Variants in PTPRQ observed in about 807,000 individuals in gnomAD.
PTPRQ encodes protein tyrosine phosphatase receptor type Q.
A neutral mutation model predicts 246.0 loss-of-function variants in PTPRQ; 199 were observed. That is an observed-to-expected ratio of 0.81 (90% CI 0.72 to 0.91). PTPRQ has a LOEUF of 0.91. PTPRQ is among the 40% of genes least tolerant of loss of function. The pLI, the probability that PTPRQ is intolerant of heterozygous loss-of-function variation, is 0.00. For missense variants in PTPRQ, 2,624 were observed against 2,528.4 expected, an observed-to-expected ratio of 1.04 and a Z score of -0.81; for synonymous variants, 869 against 853.2, an observed-to-expected ratio of 1.02 and a Z score of -0.32.
At position 80,457,659 on chromosome 12, in the gene PTPRQ, A is replaced by G. The variant is rs1244102076; in HGVS notation, c.460+15A>G. ...TGCAGAAAGTGGTAATTTTCCTGTC[A>G]TTTATTTTAAATTGACTTAGTCATG... On this transcript the variant is annotated intron_variant, in intron 4 of 44. Transcript: ENST00000644991. The G allele has an allele frequency of 2.5e-6, 1 of 400,042 alleles. No individual in the cohort carries two copies. The highest frequency in any genetic ancestry group is 4.4e-6 in the Non-Finnish European group (1 of 225,840). The allele number at this position is 400,042 out of a possible 1,614,324, so 24.8% of individuals were successfully genotyped here.
At chr12:80,581,463 C>G (rs1353931672) in intron 25 of PTPRQ, among the ~76,000 whole-genome samples, 1 of 152,038 alleles carries the variant, frequency 6.6e-6, no homozygotes, top group Admixed American at 6.6e-5. Context: ...TGGCGCAACT[C>G]CATCTCTACA....
intron 25 of PTPRQ, among the ~76,000 whole-genome samples, chr12:80,559,821 T>A (rs1243331323): frequency 6.6e-6 from 1 of 152,148 alleles, no homozygotes; most frequent in Non-Finnish European, 1.5e-5. Flanking sequence ...TTTATTTTCT[T>A]CCCTCCCCTC....
intron 27 of PTPRQ, 42 bp downstream of exon 27, chr12:80,605,222 G>A (rs1898273298): frequency 6.6e-7 from 1 of 1,523,984 alleles, no homozygotes; most frequent in Non-Finnish European, 8.8e-7. Context: ...GTATAAAATG[G>A]TTAATAATAC....
intron 25 of PTPRQ, among the ~76,000 whole-genome samples, chr12:80,558,163 C>CTTTTCTTTTCTTTTCTTTTCTTTTCTTTT (rs1308214878): frequency 2.1e-5 from 2 of 94,202 alleles, no homozygotes; most frequent in Non-Finnish European, 4.1e-5. Context: ...CTTTTCTTTT[C>CTTTTCTTTTCTTTTCTTTTCTTTTCTTTT]TTTTCTTTCT....
intron 17 of PTPRQ, among the ~76,000 whole-genome samples, chr12:80,516,047 A>G (rs763915310): frequency 6.6e-6 from 1 of 152,200 alleles, no homozygotes; most frequent in Non-Finnish European, 1.5e-5. Flanking sequence ...ATTGATAAAT[A>G]ACACGTATTT....
chr12:80,450,027 T>G (rs890015644), intron 3 of PTPRQ, among the ~76,000 whole-genome samples: 3 of 152,242 alleles, frequency 2.0e-5, no homozygotes, highest in Admixed American at 2.0e-4. Context: ...GTTCTTCTTT[T>G]GTTTGTATCC....
At chr12:80,542,611 T>C in intron 22 of PTPRQ, 119 bp from the exon 23 acceptor site, 5 of 1,256,876 alleles carry the variant, frequency 4.0e-6, no homozygotes, top group Non-Finnish European at 5.4e-6. Context: ...GTTTCTGAAA[T>C]TTAAATATGA....
At chr12:80,548,447 A>T (rs1896373852) in intron 24 of PTPRQ, among the ~76,000 whole-genome samples, 3 of 152,112 alleles carry the variant, frequency 2.0e-5, no homozygotes, top group South Asian at 4.1e-4. Flanking sequence ...TCTTTAAAAA[A>T]TTTTTTAATG....
intron 3 of PTPRQ, chr12:80,454,590 T>A: frequency 1.4e-6 from 1 of 702,044 alleles, no homozygotes; most frequent in Non-Finnish European, 2.6e-6. Flanking sequence ...TTTAGGATTA[T>A]GTTGGCTGTG....
At chr12:80,450,706 C>A (rs1423247811) in intron 3 of PTPRQ, among the ~76,000 whole-genome samples, 1 of 152,174 alleles carries the variant, frequency 6.6e-6, no homozygotes, top group Non-Finnish European at 1.5e-5. Flanking sequence ...ATTGAACCAG[C>A]CTTGCATCCC....
At chr12:80,610,393 G>A in intron 27 of PTPRQ, 46 bp from the exon 28 acceptor site, 2 of 1,422,272 alleles carry the variant, frequency 1.4e-6, no homozygotes, top group Non-Finnish European at 1.8e-6. Flanking sequence ...TGGTGACTCA[G>A]ATTTCAAGTG....
At position 80,516,582 on chromosome 12, in the gene PTPRQ, A is replaced by T. The variant is rs139643956; in HGVS notation, c.2678+6139A>T. Among the ~76,000 whole-genome samples the T allele has an allele frequency of 2.2e-3, 333 of 152,346 alleles. 1 individual carries two copies. The highest frequency in any genetic ancestry group is 0.02 in the Middle Eastern group (6 of 294). On this transcript the variant is annotated intron_variant, in intron 17 of 44. Coordinates refer to ENST00000644991, the MANE Select transcript of PTPRQ (RefSeq NM_001145026.2). ...TAGGAAGTCAAAATAATTCTAATGC[A>T]GCTCTTTATTAAATATCACTGGTCA...
chr12:80,487,457 T>C (rs994386841), intron 9 of PTPRQ, among the ~76,000 whole-genome samples: 1 of 152,120 alleles, frequency 6.6e-6, no homozygotes, highest in Non-Finnish European at 1.5e-5. Context: ...TTCTAATCCC[T>C]CTGACTGGAC....
intron 8 of PTPRQ, among the ~76,000 whole-genome samples, chr12:80,483,379 G>T (rs1405204627): frequency 8.6e-6 from 1 of 116,514 alleles, no homozygotes. Flanking sequence ...CCTGTTGTGG[G>T]GTGGGGGGAG....
At chr12:80,658,905 A>T (rs1428496438) in intron 39 of PTPRQ, among the ~76,000 whole-genome samples, 2 of 151,908 alleles carry the variant, frequency 1.3e-5, no homozygotes. Context: ...GGCTCTTGTT[A>T]TATGACGTTC....
intron 17 of PTPRQ, among the ~76,000 whole-genome samples, chr12:80,515,636 G>T (rs1213829604): frequency 1.3e-5 from 2 of 151,490 alleles, no homozygotes; most frequent in African/African-American, 4.9e-5. Flanking sequence ...GTTTTGCCAT[G>T]TTGGCCAGGC....
intron 25 of PTPRQ, among the ~76,000 whole-genome samples, chr12:80,559,881 A>G (rs1046434339): frequency 2.6e-5 from 4 of 152,120 alleles, no homozygotes; most frequent in African/African-American, 9.7e-5. Flanking sequence ...AAGTCACAAT[A>G]TAAAAATAAA....
intron 43 of PTPRQ, among the ~76,000 whole-genome samples, chr12:80,676,722 T>C (rs1196059143): frequency 1.3e-5 from 2 of 152,124 alleles, no homozygotes; most frequent in African/African-American, 2.4e-5. Flanking sequence ...GAACTCTCTG[T>C]AGTGAGCTAA....
At chr12:80,586,160 G>T (rs2121010420) in intron 25 of PTPRQ, among the ~76,000 whole-genome samples, 1 of 151,872 alleles carries the variant, frequency 6.6e-6, no homozygotes, top group South Asian at 2.1e-4. Flanking sequence ...TTGGTTCCAA[G>T]TCTTTGCTAT....
Sources: gnomAD v4.1 joint callset for allele counts (sites outside exome capture counted in the v4.1 genomes callset) on GRCh38, gnomAD v4.1.1 for gene constraint, MANE v1.5 for transcripts, NCBI Gene and HGNC (gene_info 2026-07-23, HGNC 2026-07-21) for gene names.